The following PECR variants were observed in gnomAD, a reference collection of about 807,000 sequenced individuals.
The protein encoded by PECR is 2,4-dienoyl-CoA reductase-related protein.
PECR carries 30 observed loss-of-function variants against 35.3 expected under a neutral mutation model. That is an observed-to-expected ratio of 0.85 (90% CI 0.64 to 1.15). The LOEUF is 1.15. Among genes scored for constraint, PECR ranks in the 50% most tolerant of loss-of-function variants. The pLI is 0.00. For synonymous variants in PECR, 148 were observed against 138.9 expected, an observed-to-expected ratio of 1.07 and a Z score of -0.46; for missense variants, 392 against 370.8, an observed-to-expected ratio of 1.06 and a Z score of -0.47.
chr2:216,079,453 T>G, intron 1 of PECR, among the ~76,000 whole-genome samples: 1 of 151,174 alleles, frequency 6.6e-6, no homozygotes, highest in Non-Finnish European at 1.5e-5. Context: ...CTGAAACCTC[T>G]GCCTCCCGGG....
intron 7 of PECR, among the ~76,000 whole-genome samples, chr2:216,030,875 G>A (rs1267192353): frequency 6.6e-6 from 1 of 150,386 alleles, no homozygotes; most frequent in Non-Finnish European, 1.5e-5. Flanking sequence ...AATTCTGTGG[G>A]CAATTTATTT....
intron 4 of PECR, 74 bp downstream of exon 4, chr2:216,058,821 T>A (rs1051402888): frequency 5.0e-6 from 4 of 806,102 alleles, no homozygotes; most frequent in Non-Finnish European, 6.6e-6. Flanking sequence ...TTAAGAAATG[T>A]TCCCTAACAT....
In PECR at chr2:216,039,102, T is replaced by C. The variant is rs1417271379; in HGVS notation, c.*173A>G. ...TAAATCATAGGTTAAAAGACTCTGA[T>C]TGGGACATAAGACTGTATATATTTC... On this transcript the variant is annotated 3_prime_UTR_variant, in exon 8 of 8. Coordinates refer to ENST00000265322, the MANE Select transcript of PECR (RefSeq NM_018441.6). The C allele has an allele frequency of 7.3e-6, 4 of 550,958 alleles. No homozygotes were observed. The highest frequency in any genetic ancestry group is 9.8e-6 in the Non-Finnish European group (3 of 307,090). 34.1% of individuals were successfully genotyped at this position (550,958 alleles called of 1,614,324 possible).
At chr2:216,051,616 A>G (rs1186444915) in intron 4 of PECR, 71 bp from the exon 5 acceptor site, 24 of 967,876 alleles carry the variant, frequency 2.5e-5, no homozygotes, top group Non-Finnish European at 1.7e-6. Context: ...CAAGCTCACA[A>G]GTGTGCCAAC....
At chr2:216,060,365 C>G (rs528306190) in intron 3 of PECR, among the ~76,000 whole-genome samples, 21 of 152,216 alleles carry the variant, frequency 1.4e-4, no homozygotes, top group African/African-American at 4.8e-4. Context: ...ATCTCGCCTT[C>G]TAAAAATCAT....
At chr2:216,047,114 C>T (rs1695011057) in intron 6 of PECR, among the ~76,000 whole-genome samples, 1 of 152,062 alleles carries the variant, frequency 6.6e-6, no homozygotes, top group Non-Finnish European at 1.5e-5. Context: ...CAAAACTAGC[C>T]AGGTGTGGTG....
At chr2:216,068,509 A>G (rs1695516900) in intron 1 of PECR, among the ~76,000 whole-genome samples, 1 of 152,220 alleles carries the variant, frequency 6.6e-6, no homozygotes, top group South Asian at 2.1e-4. Context: ...TTTCACACAT[A>G]TGAAAGCTGG....
At chr2:216,047,312 C>T (rs1392775684) in intron 6 of PECR, among the ~76,000 whole-genome samples, 1 of 150,104 alleles carries the variant, frequency 6.7e-6, no homozygotes, top group African/African-American at 2.5e-5. Context: ...ATGCAAAGTA[C>T]ATTTCTGGAA....
chr2:216,081,579 C>G, intron 1 of PECR, 39 bp downstream of exon 1: 1 of 1,613,448 alleles, frequency 6.2e-7, no homozygotes, highest in African/African-American at 1.3e-5. Context: ...CCCCAGGTCA[C>G]CACAGCCACC....
At chr2:216,039,925 C>T (rs1473912229) in intron 7 of PECR, among the ~76,000 whole-genome samples, 1 of 152,126 alleles carries the variant, frequency 6.6e-6, no homozygotes, top group Non-Finnish European at 1.5e-5. Flanking sequence ...ATAAGTTGAT[C>T]GAATATAGAG....
At chr2:216,053,465 C>T (rs376852190) in intron 4 of PECR, among the ~76,000 whole-genome samples, 1 of 151,712 alleles carries the variant, frequency 6.6e-6, no homozygotes, top group African/African-American at 2.4e-5. Flanking sequence ...AGGATGGTCT[C>T]GATCTCCTGA....
At chr2:216,060,233 T>C (rs1187833551) in intron 3 of PECR, among the ~76,000 whole-genome samples, 1 of 152,238 alleles carries the variant, frequency 6.6e-6, no homozygotes, top group East Asian at 1.9e-4. Flanking sequence ...TTTAAATTAT[T>C]CTACACACAC....
intron 1 of PECR, among the ~76,000 whole-genome samples, chr2:216,074,459 GAAAAGAAAGAA>G (rs1695647242): frequency 7.4e-6 from 1 of 135,238 alleles, no homozygotes; most frequent in African/African-American, 2.7e-5. Context: ...AGAAAAGAAA[GAAAAGAAAGAA>G]AGAGAGAGAG....
intron 1 of PECR, among the ~76,000 whole-genome samples, chr2:216,071,976 C>A (rs1466601240): frequency 1.3e-5 from 2 of 152,178 alleles, no homozygotes; most frequent in Non-Finnish European, 2.9e-5. Context: ...ATCATTGTTA[C>A]AATGCCACAA....
At chr2:216,042,220 G>T (rs1694899924) in intron 7 of PECR, among the ~76,000 whole-genome samples, 1 of 152,224 alleles carries the variant, frequency 6.6e-6, no homozygotes, top group Non-Finnish European at 1.5e-5. Context: ...GTCTGCTGCA[G>T]AACTGCTTGC....
chr2:216,067,939 C>T (rs1034811670), intron 1 of PECR, among the ~76,000 whole-genome samples: 1 of 152,000 alleles, frequency 6.6e-6, no homozygotes, highest in African/African-American at 2.4e-5. Flanking sequence ...TTAATAAAAA[C>T]AGACCCAGGC....
rs148605671 is a variant in PECR, at chr2:216,038,789, G to A, written c.*486C>T. The A allele has an allele frequency of 1.8e-5, 3 of 168,544 alleles. No homozygotes were observed. The highest frequency in any genetic ancestry group is 7.2e-5 in the African/African-American group (3 of 41,574). The allele number at this position is 168,544 out of a possible 1,614,324, so 10.4% of individuals were successfully genotyped here. A position where few individuals can be genotyped will look rare whatever the true frequency, so the allele number is the denominator to read the frequency against. On this transcript the variant is annotated 3_prime_UTR_variant, in exon 8 of 8. Coordinates refer to ENST00000265322, the MANE Select transcript of PECR (RefSeq NM_018441.6). ...CCACACCCGACTAATTTGTGTTTTT[G>A]TTTTTGTTGTTTTTCAGTAGAGACA... is the stretch of plus-strand genomic sequence containing the variant.
intron 3 of PECR, among the ~76,000 whole-genome samples, chr2:216,064,322 T>C (rs1202123627): frequency 7.2e-5 from 11 of 152,222 alleles, no homozygotes; most frequent in Non-Finnish European, 1.5e-4. Flanking sequence ...ATCATTTAAC[T>C]GAATTCTAGC....
intron 6 of PECR, among the ~76,000 whole-genome samples, chr2:216,046,300 A>ATTTTT (rs1694989494): frequency 2.7e-5 from 3 of 113,024 alleles, no homozygotes; most frequent in African/African-American, 1.2e-4. Context: ...ATACATATAT[A>ATTTTT]TATATATATA....
Sources: gnomAD v4.1 joint callset for allele counts (sites outside exome capture counted in the v4.1 genomes callset) on GRCh38, gnomAD v4.1.1 for gene constraint, MANE v1.5 for transcripts, NCBI Gene and HGNC (gene_info 2026-07-23, HGNC 2026-07-21) for gene names.